Variants in MDGA2 observed in about 807,000 individuals in gnomAD.
The protein encoded by MDGA2 is MAM domain containing glycosylphosphatidylinositol anchor 2.
MDGA2 carries 40 observed loss-of-function variants against 117.8 expected under a neutral mutation model. The ratio of observed to expected loss-of-function variants is 0.34; its 90% CI spans 0.26 to 0.44. The LOEUF (loss-of-function observed/expected upper bound fraction) is 0.44. Ranked by LOEUF, MDGA2 falls within the 20% of genes least tolerant of loss-of-function variation. MDGA2 has a pLI of 1.00. For synonymous variants in MDGA2, 452 were observed against 439.0 expected (o/e 1.03, Z -0.37); for missense variants, 1,123 against 1,250.6 (o/e 0.90, Z 1.54).
intron 1 of MDGA2, among the ~76,000 whole-genome samples, chr14:47,655,704 T>C (rs1242452706): frequency 6.6e-6 from 1 of 152,066 alleles, no homozygotes; most frequent in Non-Finnish European, 1.5e-5. Context: ...AATAAGAAGG[T>C]AGCACAATCC....
intron 15 of MDGA2, among the ~76,000 whole-genome samples, chr14:46,852,505 A>G (rs531074697): frequency 1.3e-5 from 2 of 152,028 alleles, no homozygotes; most frequent in African/African-American, 4.8e-5. Context: ...AGAGAAAAAG[A>G]AAGAGAGAGA....
intron 1 of MDGA2, among the ~76,000 whole-genome samples, chr14:47,382,319 A>G (rs542482573): frequency 7.9e-5 from 12 of 152,346 alleles, no homozygotes; most frequent in African/African-American, 2.9e-4. Context: ...CTAAAACACC[A>G]AAAGCAATGG....
intron 2 of MDGA2, among the ~76,000 whole-genome samples, chr14:47,226,309 T>C (rs2139552296): frequency 6.6e-6 from 1 of 152,024 alleles, no homozygotes; most frequent in South Asian, 2.1e-4. Context: ...GTCTACTCAC[T>C]ATGCGGAAAA....
At chr14:47,360,721 A>C (rs1240802608) in intron 1 of MDGA2, among the ~76,000 whole-genome samples, 1 of 152,126 alleles carries the variant, frequency 6.6e-6, no homozygotes, top group East Asian at 1.9e-4. Flanking sequence ...CCCTCTGTAG[A>C]TATATACCCA....
intron 1 of MDGA2, among the ~76,000 whole-genome samples, chr14:47,550,913 T>C (rs1248281717): frequency 1.3e-5 from 2 of 152,166 alleles, no homozygotes; most frequent in Admixed American, 6.5e-5. Flanking sequence ...GCATTCACAC[T>C]GAGAGTGGCA....
intron 7 of MDGA2, among the ~76,000 whole-genome samples, chr14:47,055,113 T>C (rs1202768674): frequency 6.6e-6 from 1 of 151,264 alleles, no homozygotes; most frequent in East Asian, 2.0e-4. Context: ...ATTCACTGAC[T>C]ATTCTGTCAC....
intron 1 of MDGA2, among the ~76,000 whole-genome samples, chr14:47,307,101 A>C (rs1889477236): frequency 6.6e-6 from 1 of 152,190 alleles, no homozygotes; most frequent in Non-Finnish European, 1.5e-5. Flanking sequence ...GCTAATCAGC[A>C]TTGTCAATGA....
intron 2 of MDGA2, among the ~76,000 whole-genome samples, chr14:47,228,820 A>T (rs576912773): frequency 6.6e-6 from 1 of 152,322 alleles, no homozygotes; most frequent in East Asian, 1.9e-4. Context: ...CACACAGGAT[A>T]TGTTTAATGT....
chr14:47,622,541 G>A (rs893479611), intron 1 of MDGA2, among the ~76,000 whole-genome samples: 6 of 152,190 alleles, frequency 3.9e-5, no homozygotes, highest in African/African-American at 1.2e-4. Context: ...AATGTTTCAG[G>A]TAGAGCAGAC....
chr14:47,669,028 A>T (rs1898027788), intron 1 of MDGA2, among the ~76,000 whole-genome samples: 1 of 152,172 alleles, frequency 6.6e-6, no homozygotes, highest in Non-Finnish European at 1.5e-5. Context: ...ATGGTTCCTG[A>T]CAATGTTTTA....
intron 1 of MDGA2, among the ~76,000 whole-genome samples, chr14:47,661,176 T>C (rs1181370462): frequency 6.6e-6 from 1 of 152,036 alleles, no homozygotes; most frequent in African/African-American, 2.4e-5. Flanking sequence ...TGAATATAAT[T>C]TTAATAATAT....
At chr14:47,361,190 T>TCTCTCTCC (rs1162339892) in intron 1 of MDGA2, among the ~76,000 whole-genome samples, 12 of 135,452 alleles carry the variant, frequency 8.9e-5, no homozygotes, top group African/African-American at 3.3e-4. Flanking sequence ...TGTTGTACTC[T>TCTCTCTCC]CTCTCTCTCT....
chr14:46,892,052 C>T (rs144359933), intron 10 of MDGA2, among the ~76,000 whole-genome samples: 34 of 151,652 alleles, frequency 2.2e-4, no homozygotes, highest in African/African-American at 8.0e-4. Flanking sequence ...CCTTAACATA[C>T]AAGTGACAAC....
In MDGA2 at chr14:47,217,897, T is replaced by A. The variant is rs1460238721; in HGVS notation, c.595+124A>T. 4.1e-6 allele frequency: 3 copies of A among 724,392 alleles called. No individual in the cohort carries two copies. The East Asian group carries it at 9.3e-5, about 23-fold the overall frequency. The allele number at this position is 724,392 out of a possible 1,614,324, so 44.9% of individuals were successfully genotyped here. A position where few individuals can be genotyped will look rare whatever the true frequency, so the allele number is the denominator to read the frequency against. On this transcript the variant is annotated intron_variant, in intron 3 of 16. Coordinates refer to ENST00000399232, the MANE Select transcript of MDGA2 (RefSeq NM_001113498.3). The stretch of plus-strand genomic sequence containing the variant: ...CAGGAACGTTTTAAGGGAGCTATCA[T>A]TATTTTACACAGTTTTCATTCTCAG...
chr14:47,061,799 T>C lies in MDGA2; in HGVS notation c.1196-221A>G, dbSNP rs372093476. 7.2e-5 allele frequency among the ~76,000 whole-genome samples: 11 copies of C among 152,014 alleles called. No homozygotes were observed. The East Asian group carries it at 2.1e-3, about 29-fold the overall frequency. ...GTCAATTAAAGACTGTGAACACTGA[T>C]TTTTATAAATTTGGTAAGATTTTCC... On this transcript the variant is annotated intron_variant, in intron 6 of 16. Transcript: ENST00000399232.
rs993748119 is a variant in MDGA2, at chr14:47,088,898, T to C, written c.1195+7956A>G. Among the ~76,000 whole-genome samples, 3 of 152,318 alleles carry C rather than the reference T, an allele frequency of 2.0e-5. No homozygotes were observed. In the East Asian group the frequency reaches 5.8e-4, roughly 29 times the overall value. ...TATCAAGTCCTTCAAAATATAATGA[T>C]ATTTAGAAAATCATAAACTGTAAAC... On this transcript the variant is annotated intron_variant, in intron 6 of 16. Coordinates refer to ENST00000399232, the MANE Select transcript of MDGA2 (RefSeq NM_001113498.3).
intron 7 of MDGA2, among the ~76,000 whole-genome samples, chr14:47,042,496 T>C (rs1198558261): frequency 6.6e-6 from 1 of 152,074 alleles, no homozygotes; most frequent in Admixed American, 6.6e-5. Flanking sequence ...AGGAAAGATA[T>C]TCTATCACAC....
At chr14:47,177,717 G>A (rs1160478387) in intron 3 of MDGA2, among the ~76,000 whole-genome samples, 1 of 152,054 alleles carries the variant, frequency 6.6e-6, no homozygotes, top group Non-Finnish European at 1.5e-5. Context: ...AAGTTAATGG[G>A]TGCAGCACAC....
chr14:47,660,907 G>C (rs568052291), intron 1 of MDGA2, among the ~76,000 whole-genome samples: 2 of 151,634 alleles, frequency 1.3e-5, no homozygotes, highest in African/African-American at 4.8e-5. Flanking sequence ...ATGAGAGAGA[G>C]TCCTCAGTAT....
Sources: gnomAD v4.1 joint callset for allele counts (sites outside exome capture counted in the v4.1 genomes callset) on GRCh38, gnomAD v4.1.1 for gene constraint, MANE v1.5 for transcripts, NCBI Gene and HGNC (gene_info 2026-07-23, HGNC 2026-07-21) for gene names.